The following ANKRD1 variants were observed in gnomAD, a reference collection of about 807,000 sequenced individuals.
ANKRD1 encodes ankyrin repeat domain 1, also known as ankyrin repeat domain-containing protein 1.
In ANKRD1, 32 loss-of-function variants were observed where a neutral mutation model predicts 40.1. That is an observed-to-expected ratio of 0.80 (90% confidence interval 0.60 to 1.07). The LOEUF (loss-of-function observed/expected upper bound fraction) is 1.07. ANKRD1 is among the 50% of genes least tolerant of loss of function. The pLI is 0.00. For synonymous variants in ANKRD1, 149 were observed against 141.2 expected, an observed-to-expected ratio of 1.06 and a Z score of -0.39; for missense variants, 359 against 386.0, an observed-to-expected ratio of 0.93 and a Z score of 0.59.
rs139885263 is a variant in ANKRD1 at position 90,915,633 on chromosome 10, A to G, written c.759T>C (p.Asp253=). The change falls in exon 8 of 9, where the codon GAT becomes GAC. Residue 253 remains aspartate, a synonymous_variant. Transcript: ENST00000371697. ...GTCTCACCGCATCATGCAACGGGGT[A>G]TCTCCTTCCTAGAGAAGCAGAGTCA... ...ADLNAKDREG[D]TPLHDAVRLN... 10 of 1,613,914 alleles carry G rather than the reference A, an allele frequency of 6.2e-6. No homozygotes were observed.
chr10:90,920,773 A>G (rs1335828994), intron 1 of ANKRD1, among the ~76,000 whole-genome samples: 1 of 152,220 alleles, frequency 6.6e-6, no homozygotes, highest in Non-Finnish European at 1.5e-5. Flanking sequence ...CACTGTAGTA[A>G]TAAAACCAAA....
At chr10:90,920,090 T>C in intron 2 of ANKRD1, 79 bp downstream of exon 2, 2 of 1,586,814 alleles carry the variant, frequency 1.3e-6, no homozygotes, top group South Asian at 2.2e-5. Context: ...GGTTTGTTTC[T>C]CTCTTCTCCT....
chr10:90,917,694 T>G, intron 5 of ANKRD1, 38 bp downstream of exon 5: 1 of 1,576,900 alleles, frequency 6.3e-7, no homozygotes, highest in Non-Finnish European at 8.7e-7. Flanking sequence ...TATAGTCTAC[T>G]TCTTTTGGCT....
chr10:90,912,647 G>A lies in ANKRD1; in HGVS notation c.*219C>T. On this transcript the variant is annotated 3_prime_UTR_variant, in exon 9 of 9. Transcript: ENST00000371697. ...ATGAAGGTCTGAATATCAGTAGCGTGGCAGTAAATAAATAAACAGGAATAC... is the reference window on the plus strand; with the variant it reads ...ATGAAGGTCTGAATATCAGTAGCGTAGCAGTAAATAAATAAACAGGAATAC... The A allele has an allele frequency of 2.0e-6, 1 of 487,934 alleles. No individual in the cohort carries two copies. The highest frequency in any genetic ancestry group is 3.7e-6 in the Non-Finnish European group (1 of 267,726). The allele number at this position is 487,934 out of a possible 1,614,324, so 30.2% of individuals were successfully genotyped here.
In ANKRD1 at chr10:90,918,846, T is replaced by C. The variant is rs1847399117; in HGVS notation, c.453+19A>G. 6.4e-7 allele frequency: 1 copy of C among 1,560,972 alleles called. No homozygotes were observed. On this transcript the variant is annotated intron_variant, in intron 4 of 8. Transcript: ENST00000371697. Reference sequence around the variant, plus strand: ...AAAATTAATGAGCTGGATTTTGCAGTGCTTTGCATGAGTCTTACCTCATCA... The same window carrying C: ...AAAATTAATGAGCTGGATTTTGCAGCGCTTTGCATGAGTCTTACCTCATCA...
intron 1 of ANKRD1, 68 bp downstream of exon 1, chr10:90,920,933 T>C (rs1847430652): frequency 1.3e-6 from 2 of 1,490,428 alleles, no homozygotes; most frequent in African/African-American, 1.4e-5. Context: ...GCAAAGGGCA[T>C]TTCAATTTTC....
chr10:90,915,669 G>A, intron 7 of ANKRD1, 28 bp from the exon 8 acceptor site: 2 of 1,611,580 alleles, frequency 1.2e-6, no homozygotes, highest in Non-Finnish European at 1.7e-6. Flanking sequence ...ACAGGTTCAA[G>A]GTGGGTCTGA....
chr10:90,917,781 A>G lies in ANKRD1; in HGVS notation c.503T>C (p.Ile168Thr). 3 of 1,614,054 alleles carry G rather than the reference A, an allele frequency of 1.9e-6. No homozygotes were observed. Among genetic ancestry groups the G allele is most frequent in the Non-Finnish European group, 2.5e-6 (3 of 1,179,948 alleles). Reference sequence around the variant, plus strand: ...TCCAGCTTCCATTAACTTCTCCACAATTGCCAAATGTCCTTCCAAGCATGC... The same window carrying G: ...TCCAGCTTCCATTAACTTCTCCACAGTTGCCAAATGTCCTTCCAAGCATGC... ...HRACLEGHLA[I>T]VEKLMEAGAQ... Residue 168 changes from isoleucine (I) to threonine (T), a missense_variant, in exon 5 of 9, where the codon ATT becomes ACT. Physicochemically the swap from Ile to Thr is moderately conservative, Grantham distance 89. Coordinates refer to ENST00000371697, the MANE Select transcript of ANKRD1 (RefSeq NM_014391.3).
Position 90,917,685 on chromosome 10 carries a change from A to G in ANKRD1, c.552+47T>C, listed in dbSNP as rs181850704. The G allele has an allele frequency of 2.1e-5, 32 of 1,537,882 alleles. No homozygotes were observed. The African/African-American group carries it at 3.7e-4, about 18-fold the overall frequency. On this transcript the variant is annotated intron_variant, in intron 5 of 8. Coordinates refer to ENST00000371697, the MANE Select transcript of ANKRD1 (RefSeq NM_014391.3). ...CATTGGAGGTTTTCCGGAGCTTCAT[A>G]TAGTCTACTTCTTTTGGCTCATTCC...
intron 4 of ANKRD1, among the ~76,000 whole-genome samples, chr10:90,918,393 C>A (rs1290738310): frequency 6.6e-6 from 1 of 152,042 alleles, no homozygotes; most frequent in Non-Finnish European, 1.5e-5. Context: ...CACTCCAATG[C>A]CCCATGTTTA....
At chr10:90,916,048 G>C (rs1434055172) in intron 6 of ANKRD1, 123 bp downstream of exon 6, 2 of 591,230 alleles carry the variant, frequency 3.4e-6, no homozygotes, top group South Asian at 1.6e-5. Flanking sequence ...AGGGGTGGGG[G>C]AGGAGGGAAG....
At chr10:90,913,486 C>A (rs1000364231) in intron 8 of ANKRD1, among the ~76,000 whole-genome samples, 13 of 152,172 alleles carry the variant, frequency 8.5e-5, no homozygotes, top group African/African-American at 3.1e-4. Context: ...TTTTTCATAA[C>A]TTGTCAGAAT....
At chr10:90,918,268 C>A (rs1847394168) in intron 4 of ANKRD1, among the ~76,000 whole-genome samples, 1 of 152,098 alleles carries the variant, frequency 6.6e-6, no homozygotes, top group Non-Finnish European at 1.5e-5. Flanking sequence ...AGAAGCGGTC[C>A]CCAATTTCAC....
At position 90,912,543 on chromosome 10, in the gene ANKRD1, G is replaced by C. The variant is rs1199279638; in HGVS notation, c.*323C>G. 3.0e-6 allele frequency: 1 copy of C among 328,704 alleles called. No individual in the cohort carries two copies. Among genetic ancestry groups the C allele is most frequent in the East Asian group, 7.6e-5 (1 of 13,226 alleles). The allele number at this position is 328,704 out of a possible 1,614,324, so 20.4% of individuals were successfully genotyped here. ...GCACTTGAACTTTGCTCTTTCACCTGGTTTAAGAACTACCTATGGGTGGGA... is the reference window on the plus strand; with the variant it reads ...GCACTTGAACTTTGCTCTTTCACCTCGTTTAAGAACTACCTATGGGTGGGA... On this transcript the variant is annotated 3_prime_UTR_variant, in exon 9 of 9. Transcript: ENST00000371697.
rs1460361884 is a variant in ANKRD1 at position 90,920,278 on chromosome 10, T to C, written c.98A>G (p.Tyr33Cys). ...FLPEDFRDGE[Y>C]EAAVTLEKQE... The stretch of plus-strand genomic sequence containing the variant: ...CTTCTCTAAAGTAACAGCAGCTTCA[T>C]ACTCTCCATCTCTGAAATCCTCAGG... Residue 33 changes from tyrosine (Y) to cysteine (C), a missense_variant, in exon 2 of 9, where the codon TAT (tyrosine) becomes TGT (cysteine). Tyr to Cys is a radical substitution (Grantham distance 194). Coordinates refer to ENST00000371697, the MANE Select transcript of ANKRD1 (RefSeq NM_014391.3). 3 of 1,614,202 alleles carry C rather than the reference T, an allele frequency of 1.9e-6. No homozygotes were observed. The highest frequency in any genetic ancestry group is 1.7e-5 in the Admixed American group (1 of 60,026).
chr10:90,920,467 G>T, intron 1 of ANKRD1, 119 bp from the exon 2 acceptor site: 2 of 1,073,590 alleles, frequency 1.9e-6, no homozygotes, highest in Non-Finnish European at 1.4e-6. Context: ...CCTTTGAGCA[G>T]TGCACTCTCA....
At chr10:90,919,442 A>G (rs985600661) in intron 2 of ANKRD1, among the ~76,000 whole-genome samples, 174 bp from the exon 3 acceptor site, 3 of 152,132 alleles carry the variant, frequency 2.0e-5, no homozygotes, top group African/African-American at 7.2e-5. Flanking sequence ...TTATTCAGAT[A>G]TTTATCTGGG....
chr10:90,920,943 C>G lies in ANKRD1; in HGVS notation c.27+58G>C, dbSNP rs892928579. 1.6e-5 allele frequency: 25 copies of G among 1,547,822 alleles called. No individual in the cohort carries two copies. The South Asian group carries it at 2.6e-4, about 16-fold the overall frequency. On this transcript the variant is annotated intron_variant, in intron 1 of 8. Coordinates refer to ENST00000371697, the MANE Select transcript of ANKRD1 (RefSeq NM_014391.3). ...TGAAAGCAAAGGGCATTTCAATTTTCAAATAAAAACCAAGATGAACCAGTT... is the reference window on the plus strand; with the variant it reads ...TGAAAGCAAAGGGCATTTCAATTTTGAAATAAAAACCAAGATGAACCAGTT...
chr10:90,916,224 C>A lies in ANKRD1; in HGVS notation c.598G>T (p.Asp200Tyr). Residue 200 changes from aspartate to tyrosine, a missense_variant, in exon 6 of 9, where the codon GAT (aspartate) becomes TAT (tyrosine). Asp to Tyr is a radical substitution (Grantham distance 160). Coordinates refer to ENST00000371697, the MANE Select transcript of ANKRD1 (RefSeq NM_014391.3). Reference protein sequence around the residue: ...IHWASRGGNLDVLKLLLNKGA... With the variant: ...IHWASRGGNLYVLKLLLNKGA... ...TTATTCAGCAACAATTTTAAAACAT[C>A]CAGGTTTCCTCCACGGCTTGCCCAG... is the stretch of plus-strand genomic sequence containing the variant. 1 of 1,614,018 alleles carries A rather than the reference C, an allele frequency of 6.2e-7. No individual in the cohort carries two copies. The highest frequency in any genetic ancestry group is 8.5e-7 in the Non-Finnish European group (1 of 1,179,980).
Sources: allele counts gnomAD v4.1 joint callset (sites outside exome capture counted in the v4.1 genomes callset), GRCh38; gene constraint gnomAD v4.1.1; transcripts MANE v1.5; gene names NCBI Gene and HGNC (gene_info 2026-07-23, HGNC 2026-07-21).